The following DCLK1 variants were observed in gnomAD, a reference collection of about 807,000 sequenced individuals.
DCLK1 encodes the protein serine/threonine-protein kinase DCLK1.
A neutral mutation model predicts 86.2 loss-of-function variants in DCLK1; 16 were observed. The ratio of observed to expected loss-of-function variants is 0.19; its 90% CI spans 0.13 to 0.28. The LOEUF is 0.28. Among genes scored for constraint, DCLK1 ranks in the 10% least tolerant of loss-of-function variants. The pLI, the probability that DCLK1 is intolerant of heterozygous loss-of-function variation, is 1.00. For missense variants in DCLK1, 590 were observed against 940.2 expected, an observed-to-expected ratio of 0.63 and a Z score of 4.87; for synonymous variants, 369 against 370.5, an observed-to-expected ratio of 1.00 and a Z score of 0.05.
At chr13:35,775,216 A>C (rs964570327) in intron 16 of DCLK1, among the ~76,000 whole-genome samples, 6 of 152,186 alleles carry the variant, frequency 3.9e-5, no homozygotes, top group African/African-American at 1.4e-4. Context: ...TGATCTTATT[A>C]TCTGTTGATG....
chr13:36,069,909 T>C (rs919465067), intron 3 of DCLK1, among the ~76,000 whole-genome samples: 7 of 152,142 alleles, frequency 4.6e-5, no homozygotes, highest in African/African-American at 9.7e-5. Context: ...AGCGATAGGA[T>C]TGAACTAGAA....
At chr13:36,003,857 T>C (rs1271508331) in intron 3 of DCLK1, among the ~76,000 whole-genome samples, 1 of 152,220 alleles carries the variant, frequency 6.6e-6, no homozygotes, top group African/African-American at 2.4e-5. Flanking sequence ...TTACCTGCAT[T>C]TTCTGTTGCC....
At position 35,896,538 on chromosome 13, in the gene DCLK1, C is replaced by CAAAA. The variant is rs10675684; in HGVS notation, c.824-25202_824-25199dup. On this transcript the variant is annotated intron_variant, in intron 4 of 16. Coordinates refer to ENST00000360631, the MANE Select transcript of DCLK1 (RefSeq NM_001330071.2). Reference sequence around the variant, plus strand: ...GGGCAACAAAAGCAAAATTCCACCTCAAAAAAAAAAAAAAAAAAAAAGTTA... The same window carrying CAAAA: ...GGGCAACAAAAGCAAAATTCCACCTCAAAAAAAAAAAAAAAAAAAAAAAAAGTTA... Among the ~76,000 whole-genome samples the CAAAA allele has an allele frequency of 9.7e-3, 411 of 42,454 alleles. 5 individuals are homozygous for CAAAA. Among genetic ancestry groups the CAAAA allele is most frequent in the African/African-American group, 0.041 (371 of 9,112 alleles). The allele number at this position is 42,454 out of a possible 152,430, so 27.9% of individuals were successfully genotyped here.
At chr13:36,080,781 T>A (rs1884395265) in intron 3 of DCLK1, among the ~76,000 whole-genome samples, 1 of 152,208 alleles carries the variant, frequency 6.6e-6, no homozygotes, top group African/African-American at 2.4e-5. Flanking sequence ...GAGGAATCCC[T>A]TTCTGTTATT....
chr13:35,978,584 AT>A (rs1345649020), intron 3 of DCLK1, among the ~76,000 whole-genome samples: 1 of 152,116 alleles, frequency 6.6e-6, no homozygotes, highest in Non-Finnish European at 1.5e-5. Flanking sequence ...TCAATACTAG[AT>A]TACAATTAAG....
chr13:36,098,716 A>G (rs1885096042), intron 3 of DCLK1, among the ~76,000 whole-genome samples: 1 of 152,134 alleles, frequency 6.6e-6, no homozygotes, highest in Non-Finnish European at 1.5e-5. Flanking sequence ...CATTTTGATA[A>G]TCTTGTAAAG....
chr13:35,977,453 T>C (rs1879405534), intron 3 of DCLK1, among the ~76,000 whole-genome samples: 1 of 152,192 alleles, frequency 6.6e-6, no homozygotes, highest in Non-Finnish European at 1.5e-5. Flanking sequence ...TATATTTTGG[T>C]GAATGACTAT....
intron 1 of DCLK1, among the ~76,000 whole-genome samples, chr13:36,128,979 A>T (rs1006350186): frequency 6.6e-6 from 1 of 152,208 alleles, no homozygotes; most frequent in Non-Finnish European, 1.5e-5. Context: ...AGACACTCCC[A>T]GTACTCACAC....
At chr13:36,049,935 G>C (rs1883065016) in intron 3 of DCLK1, among the ~76,000 whole-genome samples, 1 of 152,084 alleles carries the variant, frequency 6.6e-6, no homozygotes, top group Admixed American at 6.5e-5. Flanking sequence ...TTGCTGAGGT[G>C]GGTGGAATCC....
At chr13:36,092,483 C>CTT (rs71084405) in intron 3 of DCLK1, among the ~76,000 whole-genome samples, 14 of 84,962 alleles carry the variant, frequency 1.6e-4, no homozygotes, top group African/African-American at 3.0e-4. Context: ...GAGGCGTTTT[C>CTT]TTTTTTTTTT....
intron 3 of DCLK1, among the ~76,000 whole-genome samples, chr13:35,975,983 C>T (rs1879309217): frequency 6.6e-6 from 1 of 152,182 alleles, no homozygotes; most frequent in South Asian, 2.1e-4. Context: ...TCCTCAATGG[C>T]AGTGGCCTCT....
intron 4 of DCLK1, among the ~76,000 whole-genome samples, chr13:35,876,795 G>A (rs970668937): frequency 1.3e-5 from 2 of 152,086 alleles, no homozygotes; most frequent in Non-Finnish European, 2.9e-5. Flanking sequence ...ATGTTTCTTG[G>A]CACCCCTATA....
At chr13:35,873,444 G>A (rs1445772147) in intron 4 of DCLK1, among the ~76,000 whole-genome samples, 1 of 151,812 alleles carries the variant, frequency 6.6e-6, no homozygotes, top group East Asian at 1.9e-4. Context: ...GAGTGCAGTG[G>A]CGTGATCTCG....
chr13:36,049,060 C>T (rs1883035162), intron 3 of DCLK1, among the ~76,000 whole-genome samples: 1 of 152,156 alleles, frequency 6.6e-6, no homozygotes, highest in South Asian at 2.1e-4. Context: ...AACTCTATCT[C>T]ATGACTTCCA....
intron 3 of DCLK1, among the ~76,000 whole-genome samples, chr13:36,069,856 G>C (rs1270652084): frequency 6.6e-6 from 1 of 152,160 alleles, no homozygotes. Flanking sequence ...GTCAGAACTT[G>C]GTGCTATACC....
At chr13:35,835,071 G>T (rs1298049556) in intron 8 of DCLK1, among the ~76,000 whole-genome samples, 2 of 152,144 alleles carry the variant, frequency 1.3e-5, no homozygotes, top group Non-Finnish European at 2.9e-5. Flanking sequence ...ATCAAAGCCT[G>T]TAGAGGAGGC....
chr13:35,992,634 C>T (rs911305738), intron 3 of DCLK1, among the ~76,000 whole-genome samples: 1 of 152,014 alleles, frequency 6.6e-6, no homozygotes, highest in East Asian at 1.9e-4. Context: ...CACAAATGCC[C>T]CAGTCTCAAA....
At chr13:35,952,100 C>T (rs1274206346) in intron 3 of DCLK1, among the ~76,000 whole-genome samples, 1 of 152,044 alleles carries the variant, frequency 6.6e-6, no homozygotes, top group African/African-American at 2.4e-5. Context: ...AGAATAAGTC[C>T]TCAATAAAGT....
At chr13:36,109,732 G>A (rs1021502099) in intron 3 of DCLK1, among the ~76,000 whole-genome samples, 1 of 152,192 alleles carries the variant, frequency 6.6e-6, no homozygotes, top group African/African-American at 2.4e-5. Context: ...AAAAACATAA[G>A]GAATCTACGG....
Sources: allele counts gnomAD v4.1 joint callset (sites outside exome capture counted in the v4.1 genomes callset), GRCh38; gene constraint gnomAD v4.1.1; transcripts MANE v1.5; gene names NCBI Gene and HGNC (gene_info 2026-07-23, HGNC 2026-07-21).